The following MYOM2 variants were observed in gnomAD, a reference collection of about 807,000 sequenced individuals.
The protein encoded by MYOM2 is myomesin-2.
In MYOM2, 254 loss-of-function variants were observed where a neutral mutation model predicts 187.6. The ratio of observed to expected loss-of-function variants is 1.35; its 90% CI spans 1.22 to 1.50. The LOEUF is 1.50. Ranked by LOEUF, MYOM2 falls within the 40% of genes most tolerant of loss-of-function variation. The pLI is 0.00. For missense variants in MYOM2, 2,796 were observed against 1,924.0 expected, an observed-to-expected ratio of 1.45 and a Z score of -8.48; for synonymous variants, 981 against 753.8, an observed-to-expected ratio of 1.30 and a Z score of -4.94.
intron 14 of MYOM2, among the ~76,000 whole-genome samples, chr8:2,088,478 T>G (rs1796175006): frequency 6.6e-6 from 1 of 152,200 alleles, no homozygotes; most frequent in African/African-American, 2.4e-5. Context: ...CGTGTGCGTG[T>G]GTACCCAGTG....
At chr8:2,128,985 T>A (rs983143441) in intron 31 of MYOM2, 142 bp from the exon 32 acceptor site, 1 of 575,092 alleles carries the variant, frequency 1.7e-6, no homozygotes, top group Non-Finnish European at 3.2e-6. Flanking sequence ...GTATAAGAAT[T>A]TGTGGCTGGC....
At chr8:2,113,293 C>T (rs17751791) in intron 25 of MYOM2, among the ~76,000 whole-genome samples, 6 of 152,210 alleles carry the variant, frequency 3.9e-5, no homozygotes, top group Non-Finnish European at 8.8e-5. Context: ...CGTCAAGACC[C>T]TGCTCAATGT....
intron 34 of MYOM2, among the ~76,000 whole-genome samples, chr8:2,142,087 A>AAC (rs1171987215): frequency 2.6e-5 from 4 of 151,632 alleles, no homozygotes; most frequent in Non-Finnish European, 5.9e-5. Flanking sequence ...TGAAAAAAAA[A>AAC]AAAATCTCTT....
chr8:2,098,937 T>C lies in MYOM2; in HGVS notation c.2394T>C (p.Asp798=), dbSNP rs754487835. The C allele has an allele frequency of 1.2e-6, 2 of 1,613,584 alleles. No individual in the cohort carries two copies. The highest frequency in any genetic ancestry group is 1.1e-5 in the South Asian group (1 of 90,850). ...VNLAGIGEPS[D]PSEHFKCEAW... ...TGGCCGGCATCGGGGAGCCCTCAGA[T>C]CCCAGTGAGCACTTCAAGTGTGAGG... Residue 798 remains aspartate, a synonymous_variant, in exon 19 of 37, where the codon GAT becomes GAC. Coordinates refer to ENST00000262113, the MANE Select transcript of MYOM2 (RefSeq NM_003970.4).
intron 6 of MYOM2, among the ~76,000 whole-genome samples, chr8:2,065,739 G>T (rs11781652): frequency 0.026 from 3,910 of 152,232 alleles, 98 homozygotes; most frequent in South Asian, 0.043. Flanking sequence ...TGACATCTCA[G>T]AATATTATCC....
At chr8:2,067,897 G>A (rs1392506501) in intron 6 of MYOM2, among the ~76,000 whole-genome samples, 2 of 152,118 alleles carry the variant, frequency 1.3e-5, no homozygotes, top group Admixed American at 6.5e-5. Flanking sequence ...CCTCTTATTA[G>A]CATGGGAATC....
intron 28 of MYOM2, among the ~76,000 whole-genome samples, chr8:2,120,245 T>G (rs7843362): frequency 6.6e-6 from 1 of 151,786 alleles, no homozygotes; most frequent in African/African-American, 2.4e-5. Flanking sequence ...AATAGGAACT[T>G]TGGGTCTTGT....
intron 28 of MYOM2, chr8:2,118,716 G>A (rs971780237): frequency 6.5e-6 from 1 of 152,888 alleles, no homozygotes; most frequent in Non-Finnish European, 1.5e-5. Flanking sequence ...GTGGGCAAGT[G>A]GGGCATTCCC....
chr8:2,100,683 C>T (rs1796675505), intron 19 of MYOM2, among the ~76,000 whole-genome samples, 193 bp from the exon 20 acceptor site: 1 of 147,698 alleles, frequency 6.8e-6, no homozygotes, highest in African/African-American at 2.4e-5. Context: ...CCTCCCTGAC[C>T]CCCAACGTCA....
chr8:2,091,487 C>G (rs938845574), intron 15 of MYOM2, among the ~76,000 whole-genome samples: 13 of 152,172 alleles, frequency 8.5e-5, no homozygotes, highest in Admixed American at 7.9e-4. Flanking sequence ...CGGAGGCACC[C>G]TGGAAATCCC....
intron 6 of MYOM2, among the ~76,000 whole-genome samples, chr8:2,064,141 C>T (rs201448587): frequency 6.6e-6 from 1 of 152,228 alleles, no homozygotes; most frequent in East Asian, 1.9e-4. Context: ...GCCGCCCTTC[C>T]TCCTGCATCT....
intron 20 of MYOM2, among the ~76,000 whole-genome samples, chr8:2,101,618 C>T (rs923019368): frequency 1.3e-5 from 2 of 152,186 alleles, no homozygotes; most frequent in Admixed American, 1.3e-4. Context: ...GCTGTTTGCT[C>T]CTGGGGAACT....
chr8:2,085,549 TGTCATGATCTCTGCGTGGC>T (rs1819823666), intron 14 of MYOM2, among the ~76,000 whole-genome samples, 159 bp downstream of exon 14: 8 of 34,722 alleles, frequency 2.3e-4, no homozygotes, highest in African/African-American at 1.2e-3. Flanking sequence ...GTGGCCCCAC[TGTCATGATCTCTGCGTGGC>T]CCCACTGTTG....
chr8:2,048,421 A>G (rs562453257), intron 1 of MYOM2, among the ~76,000 whole-genome samples: 1 of 152,400 alleles, frequency 6.6e-6, no homozygotes, highest in East Asian at 1.9e-4. Flanking sequence ...CTCATTGGAA[A>G]ATCCCAGTGA....
chr8:2,083,797 A>G (rs1819716721), intron 13 of MYOM2, among the ~76,000 whole-genome samples: 1 of 152,224 alleles, frequency 6.6e-6, no homozygotes, highest in African/African-American at 2.4e-5. Flanking sequence ...GAAGATGTGA[A>G]GAATAAGTCA....
At chr8:2,064,879 C>T (rs1818965828) in intron 6 of MYOM2, among the ~76,000 whole-genome samples, 1 of 152,166 alleles carries the variant, frequency 6.6e-6, no homozygotes, top group Admixed American at 6.5e-5. Flanking sequence ...CTATCCCCTG[C>T]CCAGGAGCTG....
At chr8:2,076,014 A>C in intron 10 of MYOM2, 127 bp from the exon 11 acceptor site, 1 of 826,886 alleles carries the variant, frequency 1.2e-6, no homozygotes, top group Non-Finnish European at 1.8e-6. Flanking sequence ...TAGTACTTTG[A>C]ACATGAGAAT....
chr8:2,116,872 C>G (rs1797263910), intron 27 of MYOM2, among the ~76,000 whole-genome samples: 1 of 152,140 alleles, frequency 6.6e-6, no homozygotes, highest in Non-Finnish European at 1.5e-5. Context: ...GTTCTCCTGC[C>G]TCAGCCTCCC....
intron 6 of MYOM2, among the ~76,000 whole-genome samples, chr8:2,065,261 C>T (rs1377222342): frequency 6.6e-6 from 1 of 152,166 alleles, no homozygotes; most frequent in Non-Finnish European, 1.5e-5. Flanking sequence ...TTGAGGCTGG[C>T]AGCTGCAGGT....
Sources: allele counts gnomAD v4.1 joint callset (sites outside exome capture counted in the v4.1 genomes callset), GRCh38; gene constraint gnomAD v4.1.1; transcripts MANE v1.5; gene names NCBI Gene and HGNC (gene_info 2026-07-23, HGNC 2026-07-21).